Variants in HNRNPA1L2 observed in about 807,000 individuals in gnomAD.
The protein encoded by HNRNPA1L2 is heterogeneous nuclear ribonucleoprotein A1-like 2.
A neutral mutation model predicts 18.2 loss-of-function variants in HNRNPA1L2; 10 were observed. The observed-to-expected ratio is 0.55, with a 90% confidence interval of 0.34 to 0.93. The LOEUF is 0.93. HNRNPA1L2 is among the 40% of genes least tolerant of loss of function. The probability of loss-of-function intolerance (pLI) is 0.02; values close to 1 mark genes in which losing one functional copy is unlikely to be tolerated. For synonymous variants in HNRNPA1L2, 124 were observed against 138.6 expected (o/e 0.89, Z 0.74); for missense variants, 308 against 394.4 (o/e 0.78, Z 1.85).
chr13:52,619,940 AAAAG>A, the HNRNPA1L2 span, among the ~76,000 whole-genome samples: 1 of 151,250 alleles, frequency 6.6e-6, no homozygotes, highest in African/African-American at 2.4e-5. Context: ...AAAAAAAAAA[AAAAG>A]AATAATAATT....
chr13:52,618,619 A>G, the HNRNPA1L2 span, among the ~76,000 whole-genome samples: 1 of 152,256 alleles, frequency 6.6e-6, no homozygotes, highest in Non-Finnish European at 1.5e-5. Context: ...TAACGTTAGC[A>G]GAAGAATGCA....
the HNRNPA1L2 span, among the ~76,000 whole-genome samples, chr13:52,628,312 A>G: frequency 0.061 from 9,344 of 152,212 alleles, 330 homozygotes; most frequent in African/African-American, 0.095. Context: ...GCATTGTGGC[A>G]TGTGCCGGCA....
the HNRNPA1L2 span, among the ~76,000 whole-genome samples, chr13:52,619,739 G>GTT: frequency 6.6e-6 from 1 of 151,892 alleles, no homozygotes; most frequent in Non-Finnish European, 1.5e-5. Flanking sequence ...GGCTAACATG[G>GTT]TGAAACCCCG....
the HNRNPA1L2 span, among the ~76,000 whole-genome samples, chr13:52,633,146 A>G: frequency 2.0e-5 from 3 of 152,208 alleles, no homozygotes; most frequent in Non-Finnish European, 4.4e-5. Flanking sequence ...AACATTATTA[A>G]TCACCTACCA....
the HNRNPA1L2 span, chr13:52,617,829 A>G: frequency 2.6e-6 from 1 of 386,534 alleles, no homozygotes; most frequent in Non-Finnish European, 4.6e-6. Context: ...GAGAAAAGAA[A>G]AATCCCAGAA....
chr13:52,628,051 C>T, the HNRNPA1L2 span, among the ~76,000 whole-genome samples: 1 of 152,110 alleles, frequency 6.6e-6, no homozygotes, highest in African/African-American at 2.4e-5. Flanking sequence ...AGACTCCTTG[C>T]TGCCTACATT....
chr13:52,618,036 A>C, the HNRNPA1L2 span, among the ~76,000 whole-genome samples: 1 of 152,222 alleles, frequency 6.6e-6, no homozygotes, highest in African/African-American at 2.4e-5. Flanking sequence ...TTTATTCTTT[A>C]GTTCATTATT....
the HNRNPA1L2 span, among the ~76,000 whole-genome samples, chr13:52,630,641 G>T: frequency 6.6e-6 from 1 of 152,272 alleles, no homozygotes; most frequent in South Asian, 2.1e-4. Context: ...CCGTGGATTT[G>T]TTTTAAGTAA....
chr13:52,622,693 G>A, the HNRNPA1L2 span, among the ~76,000 whole-genome samples: 4 of 152,148 alleles, frequency 2.6e-5, no homozygotes, highest in African/African-American at 4.8e-5. Context: ...AGTTTAGCAC[G>A]TTGATTACAA....
At chr13:52,639,887 T>G (rs1483446756), upstream of HNRNPA1L2, among the ~76,000 whole-genome samples, 11 of 126,792 alleles carry the variant, frequency 8.7e-5, no homozygotes, top group Non-Finnish European at 1.2e-4. Flanking sequence ...TTTTTTTTTT[T>G]TTTTTTTTGT....
chr13:52,627,272 C>T, the HNRNPA1L2 span, among the ~76,000 whole-genome samples: 1 of 152,100 alleles, frequency 6.6e-6, no homozygotes, highest in African/African-American at 2.4e-5. Flanking sequence ...AAAACTGGTA[C>T]CTAATAGTTG....
chr13:52,628,945 G>A, the HNRNPA1L2 span, among the ~76,000 whole-genome samples: 3 of 152,034 alleles, frequency 2.0e-5, no homozygotes, highest in Non-Finnish European at 4.4e-5. Flanking sequence ...GTGCGATTTC[G>A]GCTTACTGCA....
In HNRNPA1L2 at chr13:52,643,699, T is replaced by G. The variant is rs2575975; in HGVS notation, c.*244T>G. The stretch of plus-strand genomic sequence containing the variant: ...GAAAGTGTAAAGCATTCCAACAAAG[T>G]GTTTTAATGTAGATTTTTTTTTTTG... On this transcript the variant is annotated 3_prime_UTR_variant, in exon 1 of 1. Coordinates refer to ENST00000357495, the MANE Select transcript of HNRNPA1L2 (RefSeq NM_001389320.1). 29,480 of 574,306 alleles carry G rather than the reference T, an allele frequency of 0.051. 910 individuals carry two copies. The highest frequency in any genetic ancestry group is 0.087 in the African/African-American group (4,618 of 53,168). The allele number at this position is 574,306 out of a possible 1,614,324, so 35.6% of individuals were successfully genotyped here.
the HNRNPA1L2 span, among the ~76,000 whole-genome samples, chr13:52,630,882 C>T: frequency 5.3e-5 from 8 of 152,052 alleles, no homozygotes; most frequent in East Asian, 3.9e-4. Flanking sequence ...CAGTTAATAC[C>T]GGAGAAAATT....
At chr13:52,635,676 C>T in the HNRNPA1L2 span, among the ~76,000 whole-genome samples, 3 of 151,742 alleles carry the variant, frequency 2.0e-5, no homozygotes, top group Non-Finnish European at 4.4e-5. Context: ...AGTTGCATCT[C>T]TTAGAATTGT....
the HNRNPA1L2 span, among the ~76,000 whole-genome samples, chr13:52,635,715 C>G: frequency 6.6e-6 from 1 of 151,806 alleles, no homozygotes; most frequent in African/African-American, 2.4e-5. Flanking sequence ...AGTACGTACT[C>G]TTTTGCATCT....
the HNRNPA1L2 span, among the ~76,000 whole-genome samples, chr13:52,636,987 G>A: frequency 1.3e-5 from 2 of 152,012 alleles, no homozygotes; most frequent in Non-Finnish European, 2.9e-5. Flanking sequence ...ACACACCACT[G>A]TGCCCAGCTA....
At chr13:52,617,539 A>C in the HNRNPA1L2 span, 8 of 420,456 alleles carry the variant, frequency 1.9e-5, no homozygotes, top group Admixed American at 3.4e-4. Context: ...GCTCTCCTGG[A>C]TGGCTTTATG....
the HNRNPA1L2 span, among the ~76,000 whole-genome samples, chr13:52,627,030 A>G: frequency 6.6e-6 from 1 of 152,112 alleles, no homozygotes; most frequent in Non-Finnish European, 1.5e-5. Flanking sequence ...GATATCTGAC[A>G]ATTTGTTTTT....
Sources: gnomAD v4.1 joint callset for allele counts (sites outside exome capture counted in the v4.1 genomes callset) on GRCh38, gnomAD v4.1.1 for gene constraint, MANE v1.5 for transcripts, NCBI Gene and HGNC (gene_info 2026-07-23, HGNC 2026-07-21) for gene names.